KBTBD3: variants seen among roughly 807,000 people sequenced by gnomAD.
The protein encoded by KBTBD3 is kelch repeat and BTB domain containing 3.
KBTBD3 carries 38 observed loss-of-function variants against 49.6 expected under a neutral mutation model. That is an observed-to-expected ratio of 0.77 (90% CI 0.59 to 1.00). The LOEUF (loss-of-function observed/expected upper bound fraction) is 1.00, where lower values mean the gene tolerates loss of function less well. Among genes scored for constraint, KBTBD3 ranks in the 50% least tolerant of loss-of-function variants. The probability of loss-of-function intolerance (pLI) is 0.00; values close to 1 mark genes in which losing one functional copy is unlikely to be tolerated. For missense variants in KBTBD3, 661 were observed against 712.0 expected, an observed-to-expected ratio of 0.93 and a Z score of 0.81; for synonymous variants, 214 against 250.4, an observed-to-expected ratio of 0.85 and a Z score of 1.37.
chr11:106,068,463 A>G (rs1860853278), intron 2 of KBTBD3, among the ~76,000 whole-genome samples: 1 of 152,212 alleles, frequency 6.6e-6, no homozygotes, highest in African/African-American at 2.4e-5. Context: ...TCTAAAATAC[A>G]ATATATCAAA....
intron 2 of KBTBD3, among the ~76,000 whole-genome samples, chr11:106,072,328 T>C (rs1860934645): frequency 6.7e-6 from 1 of 149,902 alleles, no homozygotes; most frequent in Non-Finnish European, 1.5e-5. Context: ...ATTTTGCTCA[T>C]ATTGTTCTTT....
chr11:106,061,916 A>G (rs576957758), intron 2 of KBTBD3, among the ~76,000 whole-genome samples: 8 of 151,946 alleles, frequency 5.3e-5, no homozygotes, highest in African/African-American at 1.7e-4. Flanking sequence ...TGAATAAGTC[A>G]GATTAATACA....
At chr11:106,067,864 C>T (rs1842673434) in intron 2 of KBTBD3, among the ~76,000 whole-genome samples, 1 of 151,920 alleles carries the variant, frequency 6.6e-6, no homozygotes, top group South Asian at 2.1e-4. Flanking sequence ...AGTGACCCAA[C>T]TTTATGCTTC....
intron 3 of KBTBD3, chr11:106,058,005 AGGGATTAATGTTCCAGAGAACTTT>A (rs1257966919): frequency 2.5e-6 from 1 of 398,400 alleles, no homozygotes; most frequent in East Asian, 3.6e-5. Context: ...GCGTAGTTCA[AGGGATTAATGTTCCAGAGAACTTT>A]GGGAAATGCT....
chr11:106,065,988 G>A (rs1415538029), intron 2 of KBTBD3, among the ~76,000 whole-genome samples: 1 of 151,818 alleles, frequency 6.6e-6, no homozygotes. Context: ...AAATCATCAG[G>A]TGGGGCCTAG....
At chr11:106,074,925 AG>A (rs1200331958) in intron 2 of KBTBD3, among the ~76,000 whole-genome samples, 1 of 152,216 alleles carries the variant, frequency 6.6e-6, no homozygotes, top group South Asian at 2.1e-4. Flanking sequence ...GGAAAAAAGA[AG>A]GGTTTGAGGT....
chr11:106,056,071 A>C (rs1233577120), intron 3 of KBTBD3, among the ~76,000 whole-genome samples: 2 of 152,186 alleles, frequency 1.3e-5, no homozygotes, highest in African/African-American at 2.4e-5. Flanking sequence ...TTTTCCAAAA[A>C]CACTGTAAGA....
At chr11:106,066,400 T>C (rs1196972115) in intron 2 of KBTBD3, among the ~76,000 whole-genome samples, 1 of 152,200 alleles carries the variant, frequency 6.6e-6, no homozygotes, top group Non-Finnish European at 1.5e-5. Context: ...ATAATTACTT[T>C]TTCAAACAGC....
intron 2 of KBTBD3, among the ~76,000 whole-genome samples, chr11:106,067,109 C>A (rs955048188): frequency 6.6e-6 from 1 of 152,072 alleles, no homozygotes; most frequent in East Asian, 1.9e-4. Flanking sequence ...AAAGGAGCAA[C>A]CTAACAAGAC....
At position 106,053,526 on chromosome 11, in the gene KBTBD3, G is replaced by C. The variant is rs1860474329; in HGVS notation, c.1163C>G (p.Thr388Ser). 6.2e-7 allele frequency: 1 copy of C among 1,613,628 alleles called. No homozygotes were observed. Among genetic ancestry groups the C allele is most frequent in the Non-Finnish European group, 8.5e-7 (1 of 1,179,860 alleles). ...PVKNDFFLVS[T>S]MKTPRTMHTS... is the part of the protein sequence containing the mutation. Reference sequence around the variant, plus strand: ...ATGCATGGTTCTTGGTGTTTTCATAGTTGATACCAAGAAGAAATCATTTTT... The same window carrying C: ...ATGCATGGTTCTTGGTGTTTTCATACTTGATACCAAGAAGAAATCATTTTT... The change falls in exon 4 of 4, where the codon ACT becomes AGT. Residue 388 changes from threonine (T) to serine (S), a missense_variant. Transcript: ENST00000531837.
chr11:106,054,798 T>C (rs887396666), intron 3 of KBTBD3, among the ~76,000 whole-genome samples: 1 of 152,014 alleles, frequency 6.6e-6, no homozygotes, highest in African/African-American at 2.4e-5. Flanking sequence ...TATGGATTAA[T>C]TAGTAACAGC....
rs748932484 is a variant in KBTBD3, at chr11:106,053,572, T to C, written c.1117A>G (p.Thr373Ala). Residue 373 changes from threonine to alanine, a missense_variant, in exon 4 of 4, where the codon ACC (threonine) becomes GCC (alanine). Transcript: ENST00000531837. ...TTTTTCACTGGACAGTAGCACCAGGTTTGATCAGTGGCATCATGATATGAC... is the reference window on the plus strand; with the variant it reads ...TTTTTCACTGGACAGTAGCACCAGGCTTGATCAGTGGCATCATGATATGAC... Reference protein sequence around the residue: ...AESYHDATDQTWCYCPVKNDF... With the variant: ...AESYHDATDQAWCYCPVKNDF... 2 of 1,613,722 alleles carry C rather than the reference T, an allele frequency of 1.2e-6. No homozygotes were observed. The highest frequency in any genetic ancestry group is 1.7e-5 in the Admixed American group (1 of 59,928).
chr11:106,054,945 AC>A (rs1297371577), intron 3 of KBTBD3, among the ~76,000 whole-genome samples: 2 of 152,082 alleles, frequency 1.3e-5, no homozygotes, highest in African/African-American at 4.8e-5. Context: ...GTCTCCAATG[AC>A]TCTATTGGGT....
chr11:106,051,840 C>A lies in KBTBD3; in HGVS notation c.*1010G>T, dbSNP rs1333966444. 1 of 151,578 alleles carries A rather than the reference C, an allele frequency of 6.6e-6. No individual in the cohort carries two copies. The highest frequency in any genetic ancestry group is 6.6e-5 in the Admixed American group (1 of 15,200). 9.4% of individuals were successfully genotyped at this position (151,578 alleles called of 1,614,324 possible). A position where few individuals can be genotyped will look rare whatever the true frequency, so the allele number is the denominator to read the frequency against. On this transcript the variant is annotated 3_prime_UTR_variant, in exon 4 of 4. Coordinates refer to ENST00000531837, the MANE Select transcript of KBTBD3 (RefSeq NM_198439.3). Reference sequence around the variant, plus strand: ...AGAATAATTTACTGAAGTAGTAAACCAACATAGTGCTTTATAGTTGGTATA... The same window carrying A: ...AGAATAATTTACTGAAGTAGTAAACAAACATAGTGCTTTATAGTTGGTATA...
intron 2 of KBTBD3, among the ~76,000 whole-genome samples, chr11:106,072,421 TTG>T (rs1404476693): frequency 6.6e-6 from 1 of 152,122 alleles, no homozygotes; most frequent in Non-Finnish European, 1.5e-5. Flanking sequence ...TGATAAAGAG[TTG>T]TGCCATAGTT....
chr11:106,058,197 A>G (rs1037040423), intron 3 of KBTBD3: 1 of 320,696 alleles, frequency 3.1e-6, no homozygotes, highest in Non-Finnish European at 5.6e-6. Flanking sequence ...ATCCTGGCTA[A>G]CACGGTGAAA....
intron 2 of KBTBD3, among the ~76,000 whole-genome samples, chr11:106,060,155 T>C (rs1007743486): frequency 1.3e-3 from 2 of 1,512 alleles, no homozygotes. Flanking sequence ...CTTTTTTTGT[T>C]TTTTTTTTCT....
Position 106,074,120 on chromosome 11 carries a change from C to A in KBTBD3, c.-13+2387G>T, listed in dbSNP as rs554553903. On this transcript the variant is annotated intron_variant, in intron 2 of 3. Coordinates refer to ENST00000531837, the MANE Select transcript of KBTBD3 (RefSeq NM_198439.3). ...ACTTTAGAATGCCGAACACCCCCCCCCACACACATACCCCTTCCTTCTCAT... is the reference window on the plus strand; with the variant it reads ...ACTTTAGAATGCCGAACACCCCCCCACACACACATACCCCTTCCTTCTCAT... 3.6e-3 allele frequency among the ~76,000 whole-genome samples: 321 copies of A among 89,960 alleles called. 3 individuals are homozygous for A. The highest frequency in any genetic ancestry group is 7.2e-3 in the African/African-American group (276 of 38,426). The allele number at this position is 89,960 out of a possible 152,430, so 59.0% of individuals were successfully genotyped here.
At position 106,053,642 on chromosome 11, in the gene KBTBD3, A is replaced by G. The variant is rs145327190; in HGVS notation, c.1047T>C (p.Gly349=). The change falls in exon 4 of 4, where the codon GGT becomes GGC. Residue 349 remains glycine (G), a synonymous_variant. Transcript: ENST00000531837. ...SYGEKIFLTG[G]CKGKCCRTVR... ...CCGTTCGACAACATTTCCCTTTGCA[A>G]CCACCTGTCAAGAATATTTTCTCTC... is the stretch of plus-strand genomic sequence containing the variant. The G allele has an allele frequency of 3.7e-6, 6 of 1,613,926 alleles. No homozygotes were observed. The highest frequency in any genetic ancestry group is 1.3e-5 in the African/African-American group (1 of 75,024).
Sources: gnomAD v4.1 joint callset for allele counts (sites outside exome capture counted in the v4.1 genomes callset) on GRCh38, gnomAD v4.1.1 for gene constraint, MANE v1.5 for transcripts, NCBI Gene and HGNC (gene_info 2026-07-23, HGNC 2026-07-21) for gene names.